Variants in OR2J2 observed in about 807,000 individuals in gnomAD.
The protein encoded by OR2J2 is olfactory receptor 2J2.
A neutral mutation model predicts 16.9 loss-of-function variants in OR2J2; 13 were observed. The observed-to-expected ratio is 0.77, with a 90% CI of 0.50 to 1.23. OR2J2 has a LOEUF of 1.23. OR2J2 is among the 50% of genes most tolerant of loss of function. The pLI is 0.00. For synonymous variants in OR2J2, 125 were observed against 141.2 expected (o/e 0.89, Z 0.81); for missense variants, 341 against 379.1 (o/e 0.90, Z 0.84).
chr6:29,171,581 G>GT (rs1765490562), intron 1 of OR2J2, among the ~76,000 whole-genome samples: 1 of 151,718 alleles, frequency 6.6e-6, no homozygotes, highest in African/African-American at 2.4e-5. Flanking sequence ...AGTTCTGGGG[G>GT]TTTTTTTGTC....
In OR2J2 at chr6:29,173,931, T is replaced by C. The variant is rs751922754; in HGVS notation, c.296T>C (p.Met99Thr). Residue 99 changes from methionine to threonine, a missense_variant, in exon 2 of 2, where the codon ATG becomes ACG. By Grantham distance (81) the Met-to-Thr change is moderately conservative. Transcript: ENST00000641417. ...PEKTISYAGC[M>T]VQLYFVLALG... ...AAGACCATCTCGTATGCTGGTTGCATGGTTCAACTTTACTTTGTTCTTGCA... is the reference window on the plus strand; with the variant it reads ...AAGACCATCTCGTATGCTGGTTGCACGGTTCAACTTTACTTTGTTCTTGCA... The C allele has an allele frequency of 5.6e-6, 9 of 1,609,126 alleles. No homozygotes were observed. Among genetic ancestry groups the C allele is most frequent in the African/African-American group, 4.1e-5 (3 of 73,276 alleles).
chr6:29,174,281 C>A lies in OR2J2; in HGVS notation c.646C>A (p.Leu216Ile), dbSNP rs771455780. 4 of 1,613,906 alleles carry A rather than the reference C, an allele frequency of 2.5e-6. No homozygotes were observed. The highest frequency in any genetic ancestry group is 3.4e-6 in the Non-Finnish European group (4 of 1,179,976). Residue 216 changes from leucine (L) to isoleucine (I), a missense_variant, in exon 2 of 2, where the codon CTC becomes ATC. By Grantham distance (5) the Leu-to-Ile change is conservative. Transcript: ENST00000641417. ...TGTTCTCATACCTCTCATTCTCATT[C>A]TCACTACCTATGGTGCCATTGCCCG... Reference protein sequence around the residue: ...IFVLIPLILILTTYGAIARAV... With the variant: ...IFVLIPLILIITTYGAIARAV...
rs1378523512 is a variant in OR2J2, at chr6:29,175,244, T to C, written c.*670T>C. On this transcript the variant is annotated 3_prime_UTR_variant, in exon 2 of 2. Coordinates refer to ENST00000641417, the MANE Select transcript of OR2J2 (RefSeq NM_030905.3). Reference sequence around the variant, plus strand: ...CTTATTCTTTATTAGCTAAATCTTATTGAATGTGTACTCTCTTCCAGTTTG... The same window carrying C: ...CTTATTCTTTATTAGCTAAATCTTACTGAATGTGTACTCTCTTCCAGTTTG... 3 of 152,316 alleles carry C rather than the reference T, an allele frequency of 2.0e-5. No individual in the cohort carries two copies. Among genetic ancestry groups the C allele is most frequent in the Admixed American group, 6.5e-5 (1 of 15,272 alleles). The allele number at this position is 152,316 out of a possible 1,614,324, so 9.4% of individuals were successfully genotyped here.
rs1765633976 is a variant in OR2J2, at chr6:29,173,752, AC to A, written c.118del (p.Leu40Ter). 2 of 1,613,738 alleles carry A rather than the reference AC, an allele frequency of 1.2e-6. No individual in the cohort carries two copies. Among genetic ancestry groups the A allele is most frequent in the African/African-American group, 1.3e-5 (1 of 74,916 alleles). On this transcript the variant is annotated frameshift_variant, in exon 2 of 2. Transcript: ENST00000641417. LOFTEE classifies it high-confidence loss of function. ...TTATCTTGATCTTCTACCTGATGAC[AC>A]TGACAGGAAACCTGTTCATCATCAT... Reference protein sequence around the residue: ...VVILIFYLMTLTGNLFIIILS... With the variant: ...VVILIFYLMTXTGNLFIIILS...
rs1159164967 is a variant in OR2J2, at chr6:29,173,690, T to G, written c.55T>G (p.Ser19Ala). The change falls in exon 2 of 2, where the codon TCT (serine) becomes GCT (alanine). Residue 19 changes from serine (S) to alanine (A), a missense_variant. Coordinates refer to ENST00000641417, the MANE Select transcript of OR2J2 (RefSeq NM_030905.3). ...SEDFFILLGF[S>A]NWPQLEVVLF... ...AGACTTCTTTATTCTACTTGGATTTTCTAATTGGCCTCAGCTGGAAGTAGT... is the reference window on the plus strand; with the variant it reads ...AGACTTCTTTATTCTACTTGGATTTGCTAATTGGCCTCAGCTGGAAGTAGT... The G allele has an allele frequency of 1.9e-6, 3 of 1,613,150 alleles. No individual in the cohort carries two copies. The highest frequency in any genetic ancestry group is 2.5e-6 in the Non-Finnish European group (3 of 1,179,794).
In OR2J2 at chr6:29,171,087, CAG is replaced by C. The variant is rs1562634911; in HGVS notation, c.-35_-34del. The C allele has an allele frequency of 6.6e-6, 1 of 152,056 alleles. No individual in the cohort carries two copies. Among genetic ancestry groups the C allele is most frequent in the Non-Finnish European group, 1.5e-5 (1 of 68,020 alleles). 9.4% of individuals were successfully genotyped at this position (152,056 alleles called of 1,614,324 possible). ...AGGCCAGGTAGAGAGTGACAGGGAA[CAG>C]GGACAAACACAGGAAGGTCAGTACT... On this transcript the variant is annotated 5_prime_UTR_variant, in exon 1 of 2. It removes the in-frame stop codon of an upstream open reading frame in the 5' UTR. Coordinates refer to ENST00000641417, the MANE Select transcript of OR2J2 (RefSeq NM_030905.3).
At position 29,171,086 on chromosome 6, in the gene OR2J2, A is replaced by G. The variant is rs1417022833; in HGVS notation, c.-37A>G. The G allele has an allele frequency of 6.6e-6, 1 of 152,140 alleles. No individual in the cohort carries two copies. Among genetic ancestry groups the G allele is most frequent in the Non-Finnish European group, 1.5e-5 (1 of 68,034 alleles). 9.4% of individuals were successfully genotyped at this position (152,140 alleles called of 1,614,324 possible). On this transcript the variant is annotated 5_prime_UTR_variant, in exon 1 of 2. Coordinates refer to ENST00000641417, the MANE Select transcript of OR2J2 (RefSeq NM_030905.3). ...TAGGCCAGGTAGAGAGTGACAGGGA[A>G]CAGGGACAAACACAGGAAGGTCAGT...
chr6:29,173,402 G>T (rs201828150), intron 1 of OR2J2: 12 of 430,646 alleles, frequency 2.8e-5, no homozygotes, highest in East Asian at 1.7e-4. Flanking sequence ...TTAATTCAGG[G>T]ATGTATATAA....
chr6:29,174,723 AT>A lies in OR2J2; in HGVS notation c.*152del. 1 of 571,068 alleles carries A rather than the reference AT, an allele frequency of 1.8e-6. No homozygotes were observed. Among genetic ancestry groups the A allele is most frequent in the Non-Finnish European group, 2.9e-6 (1 of 341,302 alleles). 35.4% of individuals were successfully genotyped at this position (571,068 alleles called of 1,614,324 possible). A position where few individuals can be genotyped will look rare whatever the true frequency, so the allele number is the denominator to read the frequency against. On this transcript the variant is annotated 3_prime_UTR_variant, in exon 2 of 2. Coordinates refer to ENST00000641417, the MANE Select transcript of OR2J2 (RefSeq NM_030905.3). ...TCTCACATTTGTTGCTCTTTTTATT[AT>A]TTAGTTCTGAAATATTATGTTGAGA...
chr6:29,174,488 A>G lies in OR2J2; in HGVS notation c.853A>G (p.Ser285Gly). 6.2e-7 allele frequency: 1 copy of G among 1,613,898 alleles called. No individual in the cohort carries two copies. Among genetic ancestry groups the G allele is most frequent in the South Asian group, 1.1e-5 (1 of 91,064 alleles). The change falls in exon 2 of 2, where the codon AGT becomes GGT. Residue 285 changes from serine (S) to glycine (G), a missense_variant. Coordinates refer to ENST00000641417, the MANE Select transcript of OR2J2 (RefSeq NM_030905.3). Reference sequence around the variant, plus strand: ...CCTCTTTTATACTGTTGTCACACCGAGTCTTAATCCTCTAATCTACACTCT... The same window carrying G: ...CCTCTTTTATACTGTTGTCACACCGGGTCTTAATCCTCTAATCTACACTCT... ...IALFYTVVTP[S>G]LNPLIYTLRN...
Position 29,173,610 on chromosome 6 carries a change from T to A in OR2J2, c.-17-9T>A. 1 of 1,540,082 alleles carries A rather than the reference T, an allele frequency of 6.5e-7. No homozygotes were observed. The highest frequency in any genetic ancestry group is 2.2e-5 in the East Asian group (1 of 44,558). ...GACAGACTTTGAGTTTATGTGGTTC[T>A]TTCTTTAGGTATAAGAAAAAGATGA... On this transcript the variant is annotated splice_polypyrimidine_tract_variant and intron_variant, in intron 1 of 1. Coordinates refer to ENST00000641417, the MANE Select transcript of OR2J2 (RefSeq NM_030905.3).
Position 29,174,361 on chromosome 6 carries a change from T to A in OR2J2, c.726T>A (p.Cys242Ter), listed in dbSNP as rs772108197. 4.3e-6 allele frequency: 7 copies of A among 1,613,856 alleles called. No individual in the cohort carries two copies. The highest frequency in any genetic ancestry group is 5.9e-6 in the Non-Finnish European group (7 of 1,179,998). ...TTGLQKVFRT[C>*]GAHLMVVSLF... ...GGCTTCAGAAAGTGTTTAGGACATG[T>A]GGAGCCCATCTTATGGTTGTATCTC... The change falls in exon 2 of 2, where the codon TGT (cysteine) becomes TGA (stop). Residue 242 changes from cysteine to a stop codon, truncating the protein, a stop_gained. Transcript: ENST00000641417. LOFTEE classifies it high-confidence loss of function.
intron 1 of OR2J2, among the ~76,000 whole-genome samples, chr6:29,172,756 A>T (rs1423815339): frequency 6.6e-6 from 1 of 152,154 alleles, no homozygotes; most frequent in Admixed American, 6.6e-5. Flanking sequence ...TAGTTCAGTT[A>T]TTGGCCTAAA....
At position 29,173,763 on chromosome 6, in the gene OR2J2, AC is replaced by A; in HGVS notation, c.130del (p.Leu44CysfsTer41). On this transcript the variant is annotated frameshift_variant, in exon 2 of 2. Transcript: ENST00000641417. LOFTEE classifies it high-confidence loss of function. Reference sequence around the variant, plus strand: ...TTCTACCTGATGACACTGACAGGAAACCTGTTCATCATCATCCTGTCATACG... The same window carrying A: ...TTCTACCTGATGACACTGACAGGAAACTGTTCATCATCATCCTGTCATACG... ...LIFYLMTLTG[N>X]LFIIILSYVD... The A allele has an allele frequency of 6.2e-7, 1 of 1,613,600 alleles. No individual in the cohort carries two copies. Among genetic ancestry groups the A allele is most frequent in the Non-Finnish European group, 8.5e-7 (1 of 1,179,870 alleles).
intron 1 of OR2J2, among the ~76,000 whole-genome samples, chr6:29,172,889 A>G (rs1163946848): frequency 6.6e-6 from 1 of 151,614 alleles, no homozygotes; most frequent in Non-Finnish European, 1.5e-5. Flanking sequence ...GCATCCAAAC[A>G]CTCTCCATTT....
chr6:29,174,626 C>T lies in OR2J2; in HGVS notation c.*52C>T, dbSNP rs769035156. 5 of 1,420,028 alleles carry T rather than the reference C, an allele frequency of 3.5e-6. No homozygotes were observed. Among genetic ancestry groups the T allele is most frequent in the Non-Finnish European group, 4.7e-6 (5 of 1,055,500 alleles). 88.0% of individuals were successfully genotyped at this position (1,420,028 alleles called of 1,614,324 possible). ...TTGTTTTTCCTAGGGTCTTAGCCAT[C>T]TTGAAAGGTGGTTTCCCTGCTTCTT... On this transcript the variant is annotated 3_prime_UTR_variant, in exon 2 of 2. Transcript: ENST00000641417.
chr6:29,175,295 TATAAC>T lies in OR2J2; in HGVS notation c.*725_*729del, dbSNP rs1283205581. 6.6e-6 allele frequency: 1 copy of T among 152,138 alleles called. No individual in the cohort carries two copies. The highest frequency in any genetic ancestry group is 1.5e-5 in the Non-Finnish European group (1 of 68,032). The allele number at this position is 152,138 out of a possible 1,614,324, so 9.4% of individuals were successfully genotyped here. On this transcript the variant is annotated 3_prime_UTR_variant, in exon 2 of 2. Coordinates refer to ENST00000641417, the MANE Select transcript of OR2J2 (RefSeq NM_030905.3). ...TGAAATTCTTGGTAACATGTATAAATATAACATACTCTGTCTGAACAGAACACACT... is the reference window on the plus strand; with the variant it reads ...TGAAATTCTTGGTAACATGTATAAATATACTCTGTCTGAACAGAACACACT...
intron 1 of OR2J2, among the ~76,000 whole-genome samples, chr6:29,171,503 T>C (rs1198064678): frequency 6.6e-6 from 1 of 152,056 alleles, no homozygotes; most frequent in Non-Finnish European, 1.5e-5. Context: ...AAAGCTACAT[T>C]TGATAGGGTC....
In OR2J2 at chr6:29,174,079, T is replaced by C. The variant is rs1359417013; in HGVS notation, c.444T>C (p.Ala148=). The C allele has an allele frequency of 1.2e-6, 2 of 1,613,578 alleles. No homozygotes were observed. ...GTTTCTGCCACTTGTTGGTTGCGGC[T>C]TCTTGGGTAATTGGTTTTACTATCT... ...HPRFCHLLVA[A]SWVIGFTISA... Residue 148 remains alanine, a synonymous_variant, in exon 2 of 2, where the codon GCT becomes GCC. Coordinates refer to ENST00000641417, the MANE Select transcript of OR2J2 (RefSeq NM_030905.3).
Sources: allele counts gnomAD v4.1 joint callset (sites outside exome capture counted in the v4.1 genomes callset), GRCh38; gene constraint gnomAD v4.1.1; transcripts MANE v1.5; gene names NCBI Gene and HGNC (gene_info 2026-07-23, HGNC 2026-07-21).